The following NXPH4 variants were observed in gnomAD, a reference collection of about 807,000 sequenced individuals.
NXPH4 encodes the protein neurexophilin-4.
NXPH4 carries 8 observed loss-of-function variants against 21.3 expected under a neutral mutation model. That is an observed-to-expected ratio of 0.38 (90% confidence interval 0.22 to 0.68). NXPH4 has a LOEUF of 0.68. NXPH4 is among the 30% of genes least tolerant of loss of function. NXPH4 has a pLI of 0.53. For missense variants in NXPH4, 418 were observed against 416.8 expected (o/e 1.00, Z -0.03); for synonymous variants, 219 against 192.6 (o/e 1.14, Z -1.13).
At position 57,216,933 on chromosome 12, in the gene NXPH4, G is replaced by A. The variant is rs1241888543; in HGVS notation, c.-37G>A. The A allele has an allele frequency of 6.5e-7, 1 of 1,530,552 alleles. No homozygotes were observed. Among genetic ancestry groups the A allele is most frequent in the Admixed American group, 1.9e-5 (1 of 51,380 alleles). The allele number at this position is 1,530,552 out of a possible 1,614,324, so 94.8% of individuals were successfully genotyped here. On this transcript the variant is annotated 5_prime_UTR_variant, in exon 1 of 2. Transcript: ENST00000349394. The surrounding 1 kb of genome is among the most constrained non-coding windows in gnomAD (Gnocchi z 5.3). The stretch of plus-strand genomic sequence containing the variant: ...CTAGGCCTGGCTCCCGCCTGCCCGA[G>A]ACCCGCCCAGCCTGCCCCGCTCAGC...
At chr12:57,217,797 A>G (rs894713130) in intron 1 of NXPH4, among the ~76,000 whole-genome samples, 26 of 152,332 alleles carry the variant, frequency 1.7e-4, no homozygotes, top group African/African-American at 6.3e-4. Context: ...ACCTGCGAAC[A>G]TGCTGTGCTC....
rs1444234258 is a variant in NXPH4, at chr12:57,225,460, G to T, written c.640G>T (p.Gly214Trp). 6.3e-7 allele frequency: 1 copy of T among 1,599,140 alleles called. No homozygotes were observed. The highest frequency in any genetic ancestry group is 8.5e-7 in the Non-Finnish European group (1 of 1,174,336). ...GGGCTCCCTCGGGGGCGCACTGGCG[G>T]GGCCGCTTGGGGGCGCGTTGGGAGT... Reference protein sequence around the residue: ...LGGSLGGALAGPLGGALGVPG... With the variant: ...LGGSLGGALAWPLGGALGVPG... Residue 214 changes from glycine to tryptophan, a missense_variant, in exon 2 of 2, where the codon GGG (glycine) becomes TGG (tryptophan). Transcript: ENST00000349394.
chr12:57,226,320 C>T lies in NXPH4; in HGVS notation c.*573C>T. The T allele has an allele frequency of 4.3e-6, 1 of 230,576 alleles. No individual in the cohort carries two copies. The allele number at this position is 230,576 out of a possible 1,614,324, so 14.3% of individuals were successfully genotyped here. ...GCCCTGGCCCTGCCCCCGGCCCCTG[C>T]CCCTGCCCGCCCCCCTCCAGTCCAG... On this transcript the variant is annotated 3_prime_UTR_variant, in exon 2 of 2. Coordinates refer to ENST00000349394, the MANE Select transcript of NXPH4 (RefSeq NM_007224.4).
rs767216345 is a variant in NXPH4 at position 57,225,654 on chromosome 12, T to C, written c.834T>C (p.Cys278=). Reference sequence around the variant, plus strand: ...GTGCCAAGCCCTTCAAAGTCATCTGTATCTTCGTCTCTTTCCTCAGCTTTG... The same window carrying C: ...GTGCCAAGCCCTTCAAAGTCATCTGCATCTTCGTCTCTTTCCTCAGCTTTG... The part of the protein sequence containing the change: ...WLCAKPFKVI[C]IFVSFLSFDY... Residue 278 remains cysteine (C), a synonymous_variant, in exon 2 of 2, where the codon TGT becomes TGC. Coordinates refer to ENST00000349394, the MANE Select transcript of NXPH4 (RefSeq NM_007224.4). The C allele has an allele frequency of 1.9e-6, 3 of 1,613,832 alleles. No individual in the cohort carries two copies. The highest frequency in any genetic ancestry group is 2.5e-6 in the Non-Finnish European group (3 of 1,180,002).
intron 1 of NXPH4, among the ~76,000 whole-genome samples, chr12:57,222,691 C>A (rs1416133076): frequency 6.6e-6 from 1 of 152,104 alleles, no homozygotes; most frequent in Non-Finnish European, 1.5e-5. Context: ...GCCTCTTCTC[C>A]CTCCCACTGT....
chr12:57,225,998 A>G lies in NXPH4; in HGVS notation c.*251A>G, dbSNP rs1449951515. ...AGGGATAAGAGTGCAGCCCCAGAAT[A>G]GGCGGGGCTTGGAGGCGGTCCCAAT... On this transcript the variant is annotated 3_prime_UTR_variant, in exon 2 of 2. Coordinates refer to ENST00000349394, the MANE Select transcript of NXPH4 (RefSeq NM_007224.4). The G allele has an allele frequency of 3.8e-6, 5 of 1,301,098 alleles. No homozygotes were observed. Among genetic ancestry groups the G allele is most frequent in the Non-Finnish European group, 4.0e-6 (4 of 999,384 alleles). The allele number at this position is 1,301,098 out of a possible 1,614,324, so 80.6% of individuals were successfully genotyped here.
chr12:57,216,805 C>A lies in NXPH4; in HGVS notation c.-165C>A, dbSNP rs1268907241. 2 of 233,552 alleles carry A rather than the reference C, an allele frequency of 8.6e-6. No homozygotes were observed. Among genetic ancestry groups the A allele is most frequent in the African/African-American group, 2.6e-5 (1 of 38,800 alleles). 14.5% of individuals were successfully genotyped at this position (233,552 alleles called of 1,614,324 possible). On this transcript the variant is annotated 5_prime_UTR_variant, in exon 1 of 2. Transcript: ENST00000349394. The surrounding 1 kb of genome is among the most constrained non-coding windows in gnomAD (Gnocchi z 5.3). Reference sequence around the variant, plus strand: ...CGCGCCCCGCCCCCAGCGCCGGCTCCGCGCCTCGCGCCCAGTCCGCGGGCC... The same window carrying A: ...CGCGCCCCGCCCCCAGCGCCGGCTCAGCGCCTCGCGCCCAGTCCGCGGGCC...
chr12:57,216,811 T>G lies in NXPH4; in HGVS notation c.-159T>G. On this transcript the variant is annotated 5_prime_UTR_variant, in exon 1 of 2. Coordinates refer to ENST00000349394, the MANE Select transcript of NXPH4 (RefSeq NM_007224.4). The surrounding 1 kb of genome is among the most constrained non-coding windows in gnomAD (Gnocchi z 5.3). ...CCGCCCCCAGCGCCGGCTCCGCGCCTCGCGCCCAGTCCGCGGGCCGCGCCG... is the reference window on the plus strand; with the variant it reads ...CCGCCCCCAGCGCCGGCTCCGCGCCGCGCGCCCAGTCCGCGGGCCGCGCCG... 6.2e-6 allele frequency: 1 copy of G among 161,576 alleles called. No individual in the cohort carries two copies. Among genetic ancestry groups the G allele is most frequent in the Non-Finnish European group, 8.7e-6 (1 of 115,310 alleles). 10.0% of individuals were successfully genotyped at this position (161,576 alleles called of 1,614,324 possible).
chr12:57,225,663 C>A lies in NXPH4; in HGVS notation c.843C>A (p.Val281=). The change falls in exon 2 of 2, where the codon GTC becomes GTA. Residue 281 remains valine, a synonymous_variant. Coordinates refer to ENST00000349394, the MANE Select transcript of NXPH4 (RefSeq NM_007224.4). ...AKPFKVICIF[V]SFLSFDYKLV... The stretch of plus-strand genomic sequence containing the variant: ...CCTTCAAAGTCATCTGTATCTTCGT[C>A]TCTTTCCTCAGCTTTGACTACAAAC... 1 of 1,613,946 alleles carries A rather than the reference C, an allele frequency of 6.2e-7. No individual in the cohort carries two copies. Among genetic ancestry groups the A allele is most frequent in the Non-Finnish European group, 8.5e-7 (1 of 1,180,020 alleles).
At chr12:57,224,751 C>A (rs2037124762) in intron 1 of NXPH4, 127 bp from the exon 2 acceptor site, 3 of 436,542 alleles carry the variant, frequency 6.9e-6, no homozygotes, top group South Asian at 8.9e-5. Context: ...GCTCCCTGCC[C>A]GCTGCGGGAC....
At chr12:57,223,586 T>TC (rs1373548370) in intron 1 of NXPH4, among the ~76,000 whole-genome samples, 5 of 151,860 alleles carry the variant, frequency 3.3e-5, no homozygotes, top group Non-Finnish European at 7.4e-5. Context: ...TGGTACTGCC[T>TC]CCCCCCATGG....
chr12:57,224,716 G>T (rs1273089578), intron 1 of NXPH4, among the ~76,000 whole-genome samples, 162 bp from the exon 2 acceptor site: 1 of 152,226 alleles, frequency 6.6e-6, no homozygotes, highest in African/African-American at 2.4e-5. Flanking sequence ...TAGCTTGAAA[G>T]GGCTGCAGTT....
At position 57,225,528 on chromosome 12, in the gene NXPH4, G is replaced by C; in HGVS notation, c.708G>C (p.Glu236Asp). 1 of 1,612,846 alleles carries C rather than the reference G, an allele frequency of 6.2e-7. No homozygotes were observed. The highest frequency in any genetic ancestry group is 8.5e-7 in the Non-Finnish European group (1 of 1,179,972). Residue 236 changes from glutamate to aspartate, a missense_variant, in exon 2 of 2, where the codon GAG becomes GAC. Physicochemically the swap from Glu to Asp is conservative, Grantham distance 45. Coordinates refer to ENST00000349394, the MANE Select transcript of NXPH4 (RefSeq NM_007224.4). ...CACGCGCTTTCAATTGCCACGTGGAGTATGAGAAGACAAACCGCGCGCGCA... is the reference window on the plus strand; with the variant it reads ...CACGCGCTTTCAATTGCCACGTGGACTATGAGAAGACAAACCGCGCGCGCA... The part of the protein sequence containing the change: ...KESRAFNCHV[E>D]YEKTNRARKH...
At chr12:57,224,358 G>A (rs776942551) in intron 1 of NXPH4, among the ~76,000 whole-genome samples, 15 of 152,254 alleles carry the variant, frequency 9.9e-5, no homozygotes, top group Non-Finnish European at 1.6e-4. Context: ...CTGACCTCAG[G>A]CAATCTGCCC....
rs775039840 is a variant in NXPH4 at position 57,216,996 on chromosome 12, C to T, written c.27C>T (p.Leu9=). The T allele has an allele frequency of 6.2e-7, 1 of 1,606,960 alleles. No homozygotes were observed. The highest frequency in any genetic ancestry group is 1.3e-5 in the African/African-American group (1 of 74,468). ...TGCGGCTGCTCCCGGAATGGTTCCT[C>T]TTGCTCTTTGGCCCGTGGCTCCTTA... is the stretch of plus-strand genomic sequence containing the variant. MRLLPEWF[L]LLFGPWLLRK... Residue 9 remains leucine (L), a synonymous_variant, in exon 1 of 2, where the codon CTC becomes CTT. Coordinates refer to ENST00000349394, the MANE Select transcript of NXPH4 (RefSeq NM_007224.4). This position sits in a 1 kb window ranked among gnomAD's most constrained non-coding sequence, Gnocchi z 5.3.
Position 57,225,654 on chromosome 12 carries a change from T to TATCTTCGTCTCTTTCCTCAGC in NXPH4, c.835_855dup (p.Ile279_Ser285dup). The TATCTTCGTCTCTTTCCTCAGC allele has an allele frequency of 6.2e-7, 1 of 1,613,832 alleles. No individual in the cohort carries two copies. The highest frequency in any genetic ancestry group is 8.5e-7 in the Non-Finnish European group (1 of 1,180,002). ...GTGCCAAGCCCTTCAAAGTCATCTG[T>TATCTTCGTCTCTTTCCTCAGC]ATCTTCGTCTCTTTCCTCAGCTTTG... On this transcript the variant is annotated inframe_insertion, in exon 2 of 2. Transcript: ENST00000349394.
intron 1 of NXPH4, among the ~76,000 whole-genome samples, chr12:57,218,814 G>C (rs2037063161): frequency 6.6e-6 from 1 of 152,188 alleles, no homozygotes; most frequent in African/African-American, 2.4e-5. Flanking sequence ...TGCACGGGGA[G>C]GTGTGGGTAT....
chr12:57,225,374 T>G lies in NXPH4; in HGVS notation c.554T>G (p.Val185Gly), dbSNP rs1224210133. 7 of 1,589,678 alleles carry G rather than the reference T, an allele frequency of 4.4e-6. No individual in the cohort carries two copies. Among genetic ancestry groups the G allele is most frequent in the Non-Finnish European group, 5.1e-6 (6 of 1,171,716 alleles). The change falls in exon 2 of 2, where the codon GTG becomes GGG. Residue 185 changes from valine to glycine, a missense_variant. Coordinates refer to ENST00000349394, the MANE Select transcript of NXPH4 (RefSeq NM_007224.4). ...PLQSTLALEG[V>G]LPGLGPPLGM... Reference sequence around the variant, plus strand: ...CAGTCTACGCTCGCCCTGGAGGGGGTGCTTCCTGGGCTGGGGCCCCCGCTG... The same window carrying G: ...CAGTCTACGCTCGCCCTGGAGGGGGGGCTTCCTGGGCTGGGGCCCCCGCTG...
In NXPH4 at chr12:57,225,525, G is replaced by C. The variant is rs1430153936; in HGVS notation, c.705G>C (p.Val235=). ...AKESRAFNCH[V]EYEKTNRARK... is the part of the protein sequence containing the mutation. ...AGTCACGCGCTTTCAATTGCCACGT[G>C]GAGTATGAGAAGACAAACCGCGCGC... is the stretch of plus-strand genomic sequence containing the variant. The change falls in exon 2 of 2, where the codon GTG becomes GTC. Residue 235 remains valine (V), a synonymous_variant. Coordinates refer to ENST00000349394, the MANE Select transcript of NXPH4 (RefSeq NM_007224.4). 2 of 1,612,620 alleles carry C rather than the reference G, an allele frequency of 1.2e-6. No individual in the cohort carries two copies. The highest frequency in any genetic ancestry group is 2.7e-5 in the African/African-American group (2 of 74,916).
Sources: gnomAD v4.1 joint callset for allele counts (sites outside exome capture counted in the v4.1 genomes callset) on GRCh38, gnomAD v4.1.1 for gene constraint, Gnocchi (gnomAD v3.1) non-coding constraint, MANE v1.5 for transcripts, NCBI Gene and HGNC (gene_info 2026-07-23, HGNC 2026-07-21) for gene names.